WDR27: variants seen among roughly 807,000 people sequenced by gnomAD.
The protein encoded by WDR27 is WD repeat domain 27.
Under a neutral mutation model 114.4 loss-of-function variants are expected in WDR27, and 100 were observed. The ratio of observed to expected loss-of-function variants is 0.87; its 90% CI spans 0.74 to 1.03. The LOEUF (loss-of-function observed/expected upper bound fraction) is 1.03, where lower values mean the gene tolerates loss of function less well. WDR27 is among the 50% of genes least tolerant of loss of function. The pLI, the probability that WDR27 is intolerant of heterozygous loss-of-function variation, is 0.00. For synonymous variants in WDR27, 449 were observed against 423.1 expected (o/e 1.06, Z -0.75); for missense variants, 1,129 against 1,092.9 (o/e 1.03, Z -0.47).
chr6:169,528,438 A>G (rs751401637), intron 25 of WDR27, among the ~76,000 whole-genome samples: 12 of 152,202 alleles, frequency 7.9e-5, no homozygotes, highest in Non-Finnish European at 1.5e-4. Context: ...GGCTCCATCC[A>G]TAAGAAGGGG....
At chr6:169,697,604 C>T (rs1212608574) in intron 1 of WDR27, among the ~76,000 whole-genome samples, 1 of 152,232 alleles carries the variant, frequency 6.6e-6, no homozygotes, top group Non-Finnish European at 1.5e-5. Context: ...GTACACCTGG[C>T]TCTGCCTTCT....
At chr6:169,569,366 A>C (rs536105332) in intron 25 of WDR27, among the ~76,000 whole-genome samples, 1 of 152,342 alleles carries the variant, frequency 6.6e-6, no homozygotes, top group South Asian at 2.1e-4. Flanking sequence ...ATTCATGTTC[A>C]GTTAACTCAC....
intron 2 of WDR27, among the ~76,000 whole-genome samples, chr6:169,687,352 A>G (rs1039598971): frequency 1.3e-5 from 2 of 152,102 alleles, no homozygotes; most frequent in Admixed American, 6.5e-5. Context: ...CAGAAAGCCT[A>G]TATTTATAAT....
intron 25 of WDR27, among the ~76,000 whole-genome samples, chr6:169,528,791 T>G (rs1795241683): frequency 6.6e-6 from 1 of 152,304 alleles, no homozygotes; most frequent in East Asian, 1.9e-4. Context: ...CCTCCCAAAG[T>G]GTTAGGATTG....
chr6:169,527,917 C>T (rs77316727), intron 25 of WDR27, among the ~76,000 whole-genome samples: 5,514 of 152,034 alleles, frequency 0.036, 263 homozygotes, highest in African/African-American at 0.11. Flanking sequence ...TGAAAAACAA[C>T]GTTAAGAAAT....
intron 21 of WDR27, among the ~76,000 whole-genome samples, chr6:169,628,145 C>T (rs1244332313): frequency 2.0e-5 from 3 of 151,818 alleles, no homozygotes; most frequent in Non-Finnish European, 2.9e-5. Context: ...GGCTGAATGC[C>T]CTTATGAGGG....
the WDR27 span, among the ~76,000 whole-genome samples, chr6:169,435,878 C>T: frequency 6.6e-6 from 1 of 151,982 alleles, no homozygotes; most frequent in African/African-American, 2.4e-5. Context: ...TTGGGAGGGC[C>T]CAGGGGCAGA....
At chr6:169,671,226 A>G (rs4716376) in intron 3 of WDR27, 61,156 of 154,670 alleles carry the variant, frequency 0.4, 14,285 homozygotes, top group East Asian at 0.94. Context: ...AAAAAATGGC[A>G]GGCAAGGTCA....
intron 5 of WDR27, chr6:169,667,400 T>A: frequency 8.2e-7 from 1 of 1,220,074 alleles, no homozygotes; most frequent in East Asian, 3.3e-5. Context: ...CTTCCATAAA[T>A]AAAACCCTGG....
rs555202102 is a variant in WDR27 at position 169,663,898 on chromosome 6, A to T, written c.904+268T>A. Among the ~76,000 whole-genome samples the T allele has an allele frequency of 7.9e-5, 12 of 152,318 alleles. No individual in the cohort carries two copies. In the South Asian group the frequency reaches 2.5e-3, roughly 32 times the overall value. On this transcript the variant is annotated intron_variant, in intron 8 of 25. Coordinates refer to ENST00000448612, the MANE Select transcript of WDR27 (RefSeq NM_182552.5). Reference sequence around the variant, plus strand: ...CACCCACTGCAGGAAAGCAACCCATAGCTGCAAAGCTGCTGCCTTGGTGCC... The same window carrying T: ...CACCCACTGCAGGAAAGCAACCCATTGCTGCAAAGCTGCTGCCTTGGTGCC...
intron 22 of WDR27, among the ~76,000 whole-genome samples, chr6:169,608,579 A>G (rs1809786335): frequency 6.6e-6 from 1 of 152,148 alleles, no homozygotes; most frequent in African/African-American, 2.4e-5. Context: ...CTACCACAAG[A>G]ACAGTATGGG....
At chr6:169,618,817 C>T (rs1034779457) in intron 21 of WDR27, among the ~76,000 whole-genome samples, 5 of 152,152 alleles carry the variant, frequency 3.3e-5, no homozygotes, top group Middle Eastern at 3.4e-3. Flanking sequence ...GCAGCCCCCA[C>T]ATGGCTATGG....
At chr6:169,533,823 C>CTGTG (rs71008099) in intron 25 of WDR27, among the ~76,000 whole-genome samples, 2,820 of 149,880 alleles carry the variant, frequency 0.019, 24 homozygotes, top group African/African-American at 0.029. Flanking sequence ...GAAGGTAAGC[C>CTGTG]TGTGTGTGTG....
chr6:169,605,190 T>C (rs577034943), intron 22 of WDR27, among the ~76,000 whole-genome samples: 16 of 148,630 alleles, frequency 1.1e-4, no homozygotes, highest in African/African-American at 3.7e-4. Flanking sequence ...TGCTCACTGA[T>C]AATATAATCT....
At chr6:169,427,213 A>G in the WDR27 span, 1 of 152,664 alleles carries the variant, frequency 6.6e-6, no homozygotes, top group African/African-American at 2.4e-5. Flanking sequence ...TCACCGCTGC[A>G]GCACTCTCTG....
Position 169,634,483 on chromosome 6 carries a change from G to A in WDR27, c.2046C>T (p.Ser682=). The change falls in exon 20 of 26, where the codon TCC becomes TCT. Residue 682 remains serine (S), a synonymous_variant. Transcript: ENST00000448612. ...KSKSKLICRL[S]TTGAVDMTSL... ...TGGTCATGTCTACTGCACCCGTCGT[G>A]GAGAGCCTGCAAATCAGCTTGGACT... The A allele has an allele frequency of 6.2e-7, 1 of 1,613,204 alleles. No individual in the cohort carries two copies. Among genetic ancestry groups the A allele is most frequent in the South Asian group, 1.1e-5 (1 of 90,766 alleles).
At chr6:169,456,836 G>A (rs147335468), downstream of WDR27, among the ~76,000 whole-genome samples, 2 of 151,048 alleles carry the variant, frequency 1.3e-5, no homozygotes, top group African/African-American at 2.4e-5. This position sits in a 1 kb window ranked among gnomAD's most constrained non-coding sequence, Gnocchi z 4.0. Flanking sequence ...CAGAACCCAC[G>A]GACACAGCCC....
chr6:169,589,072 C>G (rs1805206261), intron 23 of WDR27, among the ~76,000 whole-genome samples: 1 of 152,156 alleles, frequency 6.6e-6, no homozygotes, highest in African/African-American at 2.4e-5. Flanking sequence ...CAGGTGTTTC[C>G]AAAACCATCT....
chr6:169,675,835 G>A (rs551217843), intron 2 of WDR27, among the ~76,000 whole-genome samples: 1 of 152,196 alleles, frequency 6.6e-6, no homozygotes, highest in Admixed American at 6.5e-5. Flanking sequence ...GACTTAAAAG[G>A]GTACTTGGCT....
Sources: gnomAD v4.1 joint callset for allele counts (sites outside exome capture counted in the v4.1 genomes callset) on GRCh38, gnomAD v4.1.1 for gene constraint, Gnocchi (gnomAD v3.1) non-coding constraint, MANE v1.5 for transcripts, NCBI Gene and HGNC (gene_info 2026-07-23, HGNC 2026-07-21) for gene names.